The following PHF14 variants were observed in gnomAD, a reference collection of about 807,000 sequenced individuals.
PHF14 encodes the protein PHD finger protein 14.
In PHF14, 55 loss-of-function variants were observed where a neutral mutation model predicts 117.9. The observed-to-expected ratio is 0.47, with a 90% CI of 0.38 to 0.58. PHF14 has a LOEUF of 0.58. Among genes scored for constraint, PHF14 ranks in the 20% least tolerant of loss-of-function variants. The pLI is 0.00. For synonymous variants in PHF14, 409 were observed against 368.6 expected (o/e 1.11, Z -1.26); for missense variants, 978 against 1,122.2 (o/e 0.87, Z 1.84).
intron 17 of PHF14, among the ~76,000 whole-genome samples, chr7:11,126,573 T>G (rs1787935156): frequency 6.6e-6 from 1 of 152,122 alleles, no homozygotes; most frequent in Non-Finnish European, 1.5e-5. Context: ...TTTAGCTGTT[T>G]CAAAATCCCT....
chr7:11,064,111 G>A (rs1018506763), intron 16 of PHF14, among the ~76,000 whole-genome samples: 7 of 151,794 alleles, frequency 4.6e-5, no homozygotes, highest in Admixed American at 2.6e-4. Context: ...TGGATATAAA[G>A]CAATGCCATA....
intron 2 of PHF14, among the ~76,000 whole-genome samples, chr7:10,979,477 T>C (rs768230933): frequency 6.6e-6 from 1 of 151,972 alleles, no homozygotes; most frequent in Non-Finnish European, 1.5e-5. Flanking sequence ...AAAGGTTTAT[T>C]GTAGACTTGA....
chr7:11,126,775 GAAA>G (rs748777005), intron 17 of PHF14, among the ~76,000 whole-genome samples: 1 of 100,182 alleles, frequency 1.0e-5, no homozygotes. Flanking sequence ...GCAATAGGAT[GAAA>G]AAAAAAAAAA....
At chr7:11,063,763 T>G (rs1785321990) in intron 16 of PHF14, 2 of 760,158 alleles carry the variant, frequency 2.6e-6, no homozygotes, top group Admixed American at 1.3e-4. Flanking sequence ...CCATCATATT[T>G]TAGTCGTTTA....
chr7:11,019,388 G>A (rs1352168373), intron 5 of PHF14, among the ~76,000 whole-genome samples: 2 of 152,032 alleles, frequency 1.3e-5, no homozygotes, highest in African/African-American at 2.4e-5. Context: ...TTTCTTTACC[G>A]GGAGACTTTA....
intron 4 of PHF14, among the ~76,000 whole-genome samples, chr7:11,010,092 G>A (rs78811024): frequency 0.055 from 8,381 of 152,044 alleles, 670 homozygotes; most frequent in African/African-American, 0.18. Context: ...TACTTGTGTG[G>A]ATGCACATTT....
chr7:11,159,033 A>AT (rs905028135), intron 17 of PHF14, among the ~76,000 whole-genome samples: 2 of 152,142 alleles, frequency 1.3e-5, no homozygotes, highest in African/African-American at 4.8e-5. Context: ...ATATTAAAAG[A>AT]TTTTAAGTAT....
At chr7:11,138,146 T>G (rs987938683) in intron 17 of PHF14, among the ~76,000 whole-genome samples, 15 of 151,936 alleles carry the variant, frequency 9.9e-5, no homozygotes, top group African/African-American at 3.6e-4. Flanking sequence ...ATTCACGCCA[T>G]TCTCCTGCCT....
intron 13 of PHF14, among the ~76,000 whole-genome samples, chr7:11,048,497 G>A (rs1202635707): frequency 1.3e-5 from 2 of 152,170 alleles, no homozygotes; most frequent in Admixed American, 1.3e-4. Flanking sequence ...CTTGAACCCG[G>A]GAGATGGAGG....
rs1383948166 is a variant in PHF14 at position 11,102,728 on chromosome 7, G to T, written c.2655-8622G>T. ...CTTGGACTAACAAGGCAGTAGATTT[G>T]CCTGTGTGGAATTTTTTTTCCTATT... On this transcript the variant is annotated intron_variant, in intron 16 of 17. Coordinates refer to ENST00000634607, the MANE Select transcript of PHF14 (RefSeq NM_001007157.2). The T allele has an allele frequency of 4.3e-6, 6 of 1,379,908 alleles. No homozygotes were observed. In the South Asian group the frequency reaches 9.6e-5, roughly 22 times the overall value. 85.5% of individuals were successfully genotyped at this position (1,379,908 alleles called of 1,614,324 possible).
chr7:11,152,226 T>C (rs372993821), intron 17 of PHF14, among the ~76,000 whole-genome samples: 26 of 152,302 alleles, frequency 1.7e-4, no homozygotes, highest in East Asian at 1.2e-3. Context: ...TAAAATTTAT[T>C]GATCATGAGC....
intron 17 of PHF14, among the ~76,000 whole-genome samples, chr7:11,123,138 T>G (rs751538173): frequency 1.3e-5 from 2 of 152,130 alleles, no homozygotes; most frequent in African/African-American, 4.8e-5. Flanking sequence ...CTGCAGTTGA[T>G]AGCATCTATA....
At chr7:10,996,927 G>T (rs6956108) in intron 4 of PHF14, among the ~76,000 whole-genome samples, 4 of 152,082 alleles carry the variant, frequency 2.6e-5, no homozygotes, top group African/African-American at 9.7e-5. Context: ...CTCAACAGCC[G>T]TAGGTTTTAT....
chr7:10,990,202 C>T (rs1782400650), intron 3 of PHF14, among the ~76,000 whole-genome samples: 1 of 152,130 alleles, frequency 6.6e-6, no homozygotes, highest in South Asian at 2.1e-4. Context: ...CACATACATA[C>T]TTGCTTATAT....
At chr7:11,140,124 A>G (rs752557051) in intron 17 of PHF14, among the ~76,000 whole-genome samples, 6 of 152,016 alleles carry the variant, frequency 3.9e-5, no homozygotes, top group Non-Finnish European at 7.4e-5. Flanking sequence ...ACATCCTTCT[A>G]TATATAAACC....
At chr7:11,051,500 G>A in intron 13 of PHF14, 112 bp from the exon 14 acceptor site, 2 of 807,318 alleles carry the variant, frequency 2.5e-6, no homozygotes, top group South Asian at 4.4e-5. Context: ...CATTACCTGT[G>A]TATATTTTTA....
chr7:11,013,597 A>C (rs1783428304), intron 4 of PHF14, 150 bp from the exon 5 acceptor site: 1 of 482,658 alleles, frequency 2.1e-6, no homozygotes, highest in Non-Finnish European at 3.7e-6. Flanking sequence ...ATATAAAATG[A>C]GTTTATTTCT....
chr7:11,062,400 G>C (rs1785257263), intron 16 of PHF14: 1 of 171,908 alleles, frequency 5.8e-6, no homozygotes, highest in African/African-American at 2.4e-5. Flanking sequence ...TGTGTACTAA[G>C]ATTATTATGT....
At chr7:11,023,717 A>G (rs1263618314) in intron 6 of PHF14, among the ~76,000 whole-genome samples, 1 of 152,100 alleles carries the variant, frequency 6.6e-6, no homozygotes, top group Non-Finnish European at 1.5e-5. Flanking sequence ...AATCCCAGCC[A>G]CTCAGGAGGC....
Sources: allele counts gnomAD v4.1 joint callset (sites outside exome capture counted in the v4.1 genomes callset), GRCh38; gene constraint gnomAD v4.1.1; transcripts MANE v1.5; gene names NCBI Gene and HGNC (gene_info 2026-07-23, HGNC 2026-07-21).